Variants in TSPAN18 observed in about 807,000 individuals in gnomAD.
TSPAN18 encodes tetraspanin 18.
Under a neutral mutation model 27.3 loss-of-function variants are expected in TSPAN18, and 14 were observed. The observed-to-expected ratio is 0.51, with a 90% CI of 0.34 to 0.80. The LOEUF is 0.80. TSPAN18 is among the 30% of genes least tolerant of loss of function. The pLI is 0.01. For synonymous variants in TSPAN18, 143 were observed against 136.5 expected (o/e 1.05, Z -0.33); for missense variants, 268 against 323.9 (o/e 0.83, Z 1.32).
chr11:44,889,337 C>A (rs950995574), intron 3 of TSPAN18, among the ~76,000 whole-genome samples: 2 of 152,108 alleles, frequency 1.3e-5, no homozygotes, highest in Admixed American at 6.5e-5. Flanking sequence ...CCTGACACAC[C>A]CCAGCCATAG....
In TSPAN18 at chr11:44,906,399, A is replaced by G; in HGVS notation, c.-10-8A>G. On this transcript the variant is annotated splice_region_variant and splice_polypyrimidine_tract_variant and intron_variant, in intron 3 of 9. Transcript: ENST00000520358. ...ATCGGGAAGACTGAGGTGGCCTTGT[A>G]TTTCTAGGTGGAGCACCATGGAAGG... The G allele has an allele frequency of 6.2e-7, 1 of 1,613,992 alleles. No individual in the cohort carries two copies. The highest frequency in any genetic ancestry group is 8.5e-7 in the Non-Finnish European group (1 of 1,179,930).
At chr11:44,800,006 G>GTTTTTTTTTTTTTTTTT (rs60067559) in intron 2 of TSPAN18, among the ~76,000 whole-genome samples, 2 of 109,398 alleles carry the variant, frequency 1.8e-5, no homozygotes, top group Non-Finnish European at 3.6e-5. Context: ...AATTTTTTGT[G>GTTTTTTTTTTTTTTTTT]TTTTTTTTTT....
At chr11:44,888,833 A>AAACC (rs1858747721) in intron 3 of TSPAN18, among the ~76,000 whole-genome samples, 1 of 152,204 alleles carries the variant, frequency 6.6e-6, no homozygotes, top group Non-Finnish European at 1.5e-5. Context: ...ATGCACCAGA[A>AAACC]AACCACGAGG....
chr11:44,925,022 G>GGCCTC (rs1860299193), intron 8 of TSPAN18, among the ~76,000 whole-genome samples: 1 of 152,216 alleles, frequency 6.6e-6, no homozygotes, highest in African/African-American at 2.4e-5. Flanking sequence ...CTGATGTCCT[G>GGCCTC]GCCTGGCCTG....
intron 2 of TSPAN18, among the ~76,000 whole-genome samples, chr11:44,769,403 G>A (rs563099991): frequency 6.6e-6 from 1 of 152,278 alleles, no homozygotes; most frequent in Non-Finnish European, 1.5e-5. Context: ...CATAATGATG[G>A]CCTCACAGAA....
intron 3 of TSPAN18, among the ~76,000 whole-genome samples, chr11:44,883,936 G>GTGAA (rs1425938400): frequency 2.0e-5 from 3 of 152,200 alleles, no homozygotes; most frequent in African/African-American, 7.2e-5. Flanking sequence ...AAAATTAAAT[G>GTGAA]AGTTAACAGA....
At chr11:44,747,800 A>G (rs571526980) in intron 1 of TSPAN18, among the ~76,000 whole-genome samples, 1 of 152,136 alleles carries the variant, frequency 6.6e-6, no homozygotes, top group East Asian at 1.9e-4. Flanking sequence ...TCCACACTCA[A>G]AGTGCAGGTG....
At chr11:44,824,651 G>A (rs1856996687) in intron 2 of TSPAN18, among the ~76,000 whole-genome samples, 1 of 152,252 alleles carries the variant, frequency 6.6e-6, no homozygotes, top group South Asian at 2.1e-4. Context: ...ACGGGCCTGT[G>A]CCTGGGATTC....
chr11:44,842,999 G>A (rs990855425), intron 2 of TSPAN18, among the ~76,000 whole-genome samples: 1 of 150,858 alleles, frequency 6.6e-6, no homozygotes, highest in Non-Finnish European at 1.5e-5. Context: ...GCCTATTCTT[G>A]AACTTTATAT....
chr11:44,872,067 G>A (rs1184502168), intron 3 of TSPAN18, among the ~76,000 whole-genome samples: 1 of 152,030 alleles, frequency 6.6e-6, no homozygotes, highest in Non-Finnish European at 1.5e-5. Context: ...GGGATTACAG[G>A]CACCCACCAC....
intron 2 of TSPAN18, among the ~76,000 whole-genome samples, chr11:44,806,323 C>T (rs1856592915): frequency 6.6e-6 from 1 of 152,210 alleles, no homozygotes; most frequent in African/African-American, 2.4e-5. Context: ...GCATGAGCCA[C>T]CGCGCCTGGC....
chr11:44,897,718 T>G, intron 3 of TSPAN18: 2 of 1,258,442 alleles, frequency 1.6e-6, no homozygotes, highest in Non-Finnish European at 2.1e-6. Context: ...ATTGACTTCC[T>G]GTAGTAATTG....
chr11:44,816,358 A>G (rs892495081), intron 2 of TSPAN18, among the ~76,000 whole-genome samples: 1 of 152,254 alleles, frequency 6.6e-6, no homozygotes, highest in Non-Finnish European at 1.5e-5. Flanking sequence ...TGCATTGGAT[A>G]TGCATGTGCT....
intron 2 of TSPAN18, among the ~76,000 whole-genome samples, chr11:44,837,368 T>G (rs2135157188): frequency 6.6e-6 from 1 of 152,360 alleles, no homozygotes; most frequent in East Asian, 1.9e-4. Flanking sequence ...AGGCTGTGAC[T>G]GAATTGCCGC....
At chr11:44,851,671 C>A (rs1430583611) in intron 2 of TSPAN18, among the ~76,000 whole-genome samples, 1 of 148,440 alleles carries the variant, frequency 6.7e-6, no homozygotes, top group South Asian at 2.2e-4. Context: ...TCTCATACAT[C>A]TGCCAAAGCA....
At chr11:44,760,519 T>TTGTG (rs1855430046) in intron 1 of TSPAN18, among the ~76,000 whole-genome samples, 2 of 152,218 alleles carry the variant, frequency 1.3e-5, no homozygotes, top group Non-Finnish European at 2.9e-5. Flanking sequence ...GTGTGTGCTA[T>TTGTG]TGTGTATGTA....
At chr11:44,811,490 G>T (rs1408174268) in intron 2 of TSPAN18, among the ~76,000 whole-genome samples, 5 of 146,586 alleles carry the variant, frequency 3.4e-5, no homozygotes, top group Admixed American at 6.9e-5. Context: ...ATGGAGTCTC[G>T]CTCTTGTTGC....
At chr11:44,924,980 G>A (rs1860296452) in intron 8 of TSPAN18, among the ~76,000 whole-genome samples, 1 of 152,226 alleles carries the variant, frequency 6.6e-6, no homozygotes, top group Non-Finnish European at 1.5e-5. Context: ...TCACTGAATG[G>A]AGGGCCAGCC....
At chr11:44,851,726 C>G (rs932736087) in intron 2 of TSPAN18, among the ~76,000 whole-genome samples, 3 of 152,064 alleles carry the variant, frequency 2.0e-5, no homozygotes, top group Non-Finnish European at 4.4e-5. Context: ...AATGGAGGCC[C>G]TGCGCTGTTG....
Sources: gnomAD v4.1 joint callset for allele counts (sites outside exome capture counted in the v4.1 genomes callset) on GRCh38, gnomAD v4.1.1 for gene constraint, MANE v1.5 for transcripts, NCBI Gene and HGNC (gene_info 2026-07-23, HGNC 2026-07-21) for gene names.